The following MEF2C variants were observed in gnomAD, a reference collection of about 807,000 sequenced individuals.
MEF2C encodes the protein myocyte enhancer factor 2C, also known as myocyte-specific enhancer factor 2C.
A neutral mutation model predicts 50.5 loss-of-function variants in MEF2C; 6 were observed. The observed-to-expected ratio is 0.12, with a 90% confidence interval of 0.07 to 0.23. The LOEUF (loss-of-function observed/expected upper bound fraction) is 0.23, where lower values mean the gene tolerates loss of function less well. Ranked by LOEUF, MEF2C falls within the 10% of genes least tolerant of loss-of-function variation. The pLI, the probability that MEF2C is intolerant of heterozygous loss-of-function variation, is 1.00. For missense variants in MEF2C, 276 were observed against 605.0 expected, an observed-to-expected ratio of 0.46 and a Z score of 5.70; for synonymous variants, 183 against 228.0, an observed-to-expected ratio of 0.80 and a Z score of 1.78.
chr5:88,723,971 T>G (rs1757453716), intron 10 of MEF2C, among the ~76,000 whole-genome samples: 2 of 151,534 alleles, frequency 1.3e-5, no homozygotes, highest in Non-Finnish European at 3.0e-5. Context: ...ACAATGACTT[T>G]GATCAGGATA....
chr5:88,773,035 A>T (rs1171842666), intron 3 of MEF2C: 5 of 528,634 alleles, frequency 9.5e-6, no homozygotes, highest in Non-Finnish European at 1.2e-5. Context: ...CGTCACTGGG[A>T]TTGTGGGAAC....
chr5:88,876,071 T>G (rs912423519), intron 1 of MEF2C, among the ~76,000 whole-genome samples: 7 of 151,196 alleles, frequency 4.6e-5, no homozygotes, highest in East Asian at 3.9e-4. Flanking sequence ...GAGTTTTTTT[T>G]TTTTTTTTTT....
chr5:88,845,705 C>G (rs565409855), intron 1 of MEF2C, among the ~76,000 whole-genome samples: 1 of 152,200 alleles, frequency 6.6e-6, no homozygotes, highest in South Asian at 2.1e-4. Flanking sequence ...CTTACATAAT[C>G]TAAATAAATT....
chr5:88,824,619 A>G (rs1184704148), intron 1 of MEF2C, among the ~76,000 whole-genome samples: 1 of 151,978 alleles, frequency 6.6e-6, no homozygotes, highest in East Asian at 1.9e-4. Flanking sequence ...GAATCAAAAA[A>G]GATAAGCATT....
At chr5:88,743,692 T>G in intron 6 of MEF2C, 1 of 985,444 alleles carries the variant, frequency 1.0e-6, no homozygotes, top group Non-Finnish European at 1.2e-6. Context: ...TTCCAGAGTC[T>G]GGAAACCAGA....
At position 88,804,591 on chromosome 5, in the gene MEF2C, C is replaced by G. The variant is rs372739987; in HGVS notation, c.258+7G>C. ...AGGCTTGGGGCTCACCACGCATGCT[C>G]TCTCACCTCCACGATGTCTGAGTTT... On this transcript the variant is annotated splice_region_variant and intron_variant, in intron 3 of 10. Transcript: ENST00000504921. The G allele has an allele frequency of 4.4e-5, 71 of 1,613,340 alleles. No homozygotes were observed. The highest frequency in any genetic ancestry group is 1.8e-4 in the Admixed American group (11 of 59,996).
chr5:88,730,119 C>T, intron 8 of MEF2C, 92 bp downstream of exon 8: 1 of 1,337,858 alleles, frequency 7.5e-7, no homozygotes, highest in Non-Finnish European at 1.0e-6. Flanking sequence ...ACTGTGGTAA[C>T]TTCCAATATC....
chr5:88,760,085 T>C (rs1046980436), intron 4 of MEF2C, among the ~76,000 whole-genome samples: 1 of 152,244 alleles, frequency 6.6e-6, no homozygotes, highest in Non-Finnish European at 1.5e-5. Flanking sequence ...ACTGAGGAGC[T>C]TGTATACAAT....
chr5:88,780,853 C>T (rs1237035187), intron 3 of MEF2C: 8 of 985,216 alleles, frequency 8.1e-6, no homozygotes, highest in East Asian at 1.1e-4. Flanking sequence ...CTCTTTCTCC[C>T]TACATCTCTC....
chr5:88,732,149 A>G (rs771108771), intron 6 of MEF2C, among the ~76,000 whole-genome samples: 2 of 152,184 alleles, frequency 1.3e-5, no homozygotes, highest in Non-Finnish European at 2.9e-5. Flanking sequence ...AAGTCAGCAT[A>G]TACTTTTTTT....
At chr5:88,870,567 T>C (rs545163929) in intron 1 of MEF2C, among the ~76,000 whole-genome samples, 11 of 152,196 alleles carry the variant, frequency 7.2e-5, no homozygotes, top group African/African-American at 2.6e-4. Context: ...GAAGAGAAAG[T>C]GTTCAACTTT....
intron 3 of MEF2C, among the ~76,000 whole-genome samples, chr5:88,775,513 G>C (rs550187503): frequency 1.3e-5 from 2 of 152,250 alleles, no homozygotes; most frequent in East Asian, 3.9e-4. Flanking sequence ...TACTGATACT[G>C]CATGCTAATC....
chr5:88,775,429 T>C (rs996527929), intron 3 of MEF2C, among the ~76,000 whole-genome samples: 1 of 152,178 alleles, frequency 6.6e-6, no homozygotes, highest in African/African-American at 2.4e-5. Flanking sequence ...TTATGGCAAA[T>C]AGATCCTTCT....
intron 1 of MEF2C, among the ~76,000 whole-genome samples, chr5:88,837,530 C>T (rs560303367): frequency 4.2e-4 from 64 of 152,278 alleles, no homozygotes; most frequent in Middle Eastern, 3.4e-3. Flanking sequence ...GGCCAGTCAA[C>T]TTCTTTAAGT....
intron 3 of MEF2C, among the ~76,000 whole-genome samples, chr5:88,776,614 T>C (rs1423965213): frequency 4.0e-5 from 6 of 150,880 alleles, no homozygotes; most frequent in South Asian, 2.1e-4. Flanking sequence ...TATAAATAGA[T>C]AGAAAAATAC....
chr5:88,869,812 C>T (rs1828954048), intron 1 of MEF2C, among the ~76,000 whole-genome samples: 1 of 147,874 alleles, frequency 6.8e-6, no homozygotes, highest in Non-Finnish European at 1.5e-5. Context: ...GCTTTTAAAA[C>T]ATGCATGCTT....
intron 3 of MEF2C, among the ~76,000 whole-genome samples, chr5:88,801,924 C>T (rs972812789): frequency 1.3e-5 from 2 of 152,134 alleles, no homozygotes; most frequent in African/African-American, 4.8e-5. Flanking sequence ...TCAAGCTTAG[C>T]GGTCCCATCT....
chr5:88,847,658 A>G (rs1028470086), intron 1 of MEF2C, among the ~76,000 whole-genome samples: 4 of 152,174 alleles, frequency 2.6e-5, no homozygotes, highest in African/African-American at 9.6e-5. Context: ...AACTTCCTCT[A>G]TTACCACTTT....
At chr5:88,821,332 T>C (rs145047505) in intron 2 of MEF2C, among the ~76,000 whole-genome samples, 1 of 152,162 alleles carries the variant, frequency 6.6e-6, no homozygotes, top group East Asian at 1.9e-4. Context: ...AGTAGTAACA[T>C]GATCACGGCT....
Sources: allele counts gnomAD v4.1 joint callset (sites outside exome capture counted in the v4.1 genomes callset), GRCh38; gene constraint gnomAD v4.1.1; transcripts MANE v1.5; gene names NCBI Gene and HGNC (gene_info 2026-07-23, HGNC 2026-07-21).